Variants in AGMO observed in about 807,000 individuals in gnomAD.
AGMO encodes the protein glyceryl-ether monooxygenase.
Under a neutral mutation model 60.2 loss-of-function variants are expected in AGMO, and 75 were observed. That is an observed-to-expected ratio of 1.25 (90% CI 1.03 to 1.51). The LOEUF is 1.51. Among genes scored for constraint, AGMO ranks in the 40% most tolerant of loss-of-function variants. AGMO has a pLI of 0.00. For missense variants in AGMO, 763 were observed against 525.5 expected (o/e 1.45, Z -4.42); for synonymous variants, 261 against 177.1 (o/e 1.47, Z -3.76).
Position 15,355,744 on chromosome 7 carries a change from G to A in AGMO, c.1263+9770C>T, listed in dbSNP as rs192224103. Among the ~76,000 whole-genome samples the A allele has an allele frequency of 4.9e-3, 751 of 151,982 alleles. 9 individuals carry two copies. The highest frequency in any genetic ancestry group is 0.017 in the African/African-American group (706 of 41,432). On this transcript the variant is annotated intron_variant, in intron 12 of 12. Transcript: ENST00000342526. Reference sequence around the variant, plus strand: ...AATAGTACCATCTTCATACATAAAGGGGAGTATTGTATTATATGGAATTAT... The same window carrying A: ...AATAGTACCATCTTCATACATAAAGAGGAGTATTGTATTATATGGAATTAT...
chr7:15,228,374 A>G (rs1245642368), intron 12 of AGMO, among the ~76,000 whole-genome samples: 1 of 152,140 alleles, frequency 6.6e-6, no homozygotes, highest in African/African-American at 2.4e-5. Flanking sequence ...GTAATTTAAA[A>G]CAATCTTGCT....
intron 12 of AGMO, among the ~76,000 whole-genome samples, chr7:15,357,720 T>TC (rs1782593396): frequency 6.6e-6 from 1 of 152,194 alleles, no homozygotes; most frequent in Middle Eastern, 3.2e-3. Context: ...AACAGTGCGC[T>TC]CCCTTGACAG....
the AGMO span, among the ~76,000 whole-genome samples, chr7:15,145,855 A>G: frequency 1.3e-5 from 2 of 152,176 alleles, no homozygotes; most frequent in Non-Finnish European, 2.9e-5. Flanking sequence ...AGCAAATTAG[A>G]AAACTCTAAT....
chr7:15,548,362 T>G (rs548361263), intron 2 of AGMO, among the ~76,000 whole-genome samples: 5,427 of 151,668 alleles, frequency 0.036, 123 homozygotes, highest in Non-Finnish European at 0.049. Flanking sequence ...ACGATCAAAT[T>G]ACTCTGAGCT....
chr7:15,263,206 C>T (rs1055240788), intron 12 of AGMO, among the ~76,000 whole-genome samples: 2 of 151,880 alleles, frequency 1.3e-5, no homozygotes, highest in African/African-American at 4.8e-5. Context: ...TATCCAGAAT[C>T]TACAGAGATG....
rs73300344 is a variant in AGMO, at chr7:15,365,456, T to A, written c.1263+58A>T. The A allele has an allele frequency of 8.0e-3, 7,976 of 994,210 alleles. 485 individuals are homozygous for A. In the African/African-American group the frequency reaches 0.13, roughly 16 times the overall value. The allele number at this position is 994,210 out of a possible 1,614,324, so 61.6% of individuals were successfully genotyped here. On this transcript the variant is annotated intron_variant, in intron 12 of 12. Coordinates refer to ENST00000342526, the MANE Select transcript of AGMO (RefSeq NM_001004320.2). ...AGTAGAGAAAACATCCTTGAATGAA[T>A]AAATTAAATGTGCGATAGGTATACG...
At chr7:15,149,869 G>C in the AGMO span, among the ~76,000 whole-genome samples, 105 of 152,170 alleles carry the variant, frequency 6.9e-4, no homozygotes, top group African/African-American at 2.4e-3. Flanking sequence ...TTGGTAATTT[G>C]ATAGGAATAA....
chr7:15,488,161 G>A (rs1363945516), intron 3 of AGMO, among the ~76,000 whole-genome samples: 5 of 152,314 alleles, frequency 3.3e-5, no homozygotes, highest in Non-Finnish European at 4.4e-5. Flanking sequence ...AAGTTCTTAA[G>A]TTATTCAACC....
intron 4 of AGMO, among the ~76,000 whole-genome samples, chr7:15,428,308 A>G (rs529858549): frequency 6.6e-6 from 1 of 152,242 alleles, no homozygotes; most frequent in Non-Finnish European, 1.5e-5. Flanking sequence ...ATCCAGGCTG[A>G]CTTACAATCC....
At chr7:15,333,504 C>A (rs1304621939) in intron 12 of AGMO, among the ~76,000 whole-genome samples, 1 of 150,798 alleles carries the variant, frequency 6.6e-6, no homozygotes, top group Non-Finnish European at 1.5e-5. Context: ...GTAAGTTTCA[C>A]TGTGTTTAGC....
At chr7:15,219,632 G>T (rs576042383) in intron 12 of AGMO, among the ~76,000 whole-genome samples, 4 of 152,052 alleles carry the variant, frequency 2.6e-5, no homozygotes, top group African/African-American at 9.7e-5. Context: ...TATGTGATTC[G>T]ATTTACTCTT....
intron 3 of AGMO, among the ~76,000 whole-genome samples, chr7:15,495,934 A>T (rs189944090): frequency 6.6e-6 from 1 of 151,492 alleles, no homozygotes; most frequent in African/African-American, 2.4e-5. Context: ...CACAAAATTC[A>T]TTGTGAGAGT....
the AGMO span, among the ~76,000 whole-genome samples, chr7:15,172,933 C>T: frequency 6.6e-6 from 1 of 152,224 alleles, no homozygotes; most frequent in Admixed American, 6.5e-5. Context: ...GTGATAGGCA[C>T]AAATAACTTA....
At chr7:15,249,691 G>A (rs1054066062) in intron 12 of AGMO, among the ~76,000 whole-genome samples, 2 of 151,836 alleles carry the variant, frequency 1.3e-5, no homozygotes, top group Admixed American at 6.6e-5. Context: ...AGGATGTGAT[G>A]GGGGGGAAAT....
chr7:15,178,695 G>A, the AGMO span, among the ~76,000 whole-genome samples: 2 of 152,134 alleles, frequency 1.3e-5, no homozygotes, highest in Non-Finnish European at 2.9e-5. Flanking sequence ...GGACTGTTAT[G>A]TAACATTTTG....
chr7:15,427,286 A>G (rs964257318), intron 4 of AGMO, among the ~76,000 whole-genome samples: 1 of 152,136 alleles, frequency 6.6e-6, no homozygotes, highest in African/African-American at 2.4e-5. Flanking sequence ...TTAATAAACT[A>G]TTTATTTTAT....
chr7:15,453,368 A>G (rs1338448899), intron 3 of AGMO, among the ~76,000 whole-genome samples: 1 of 152,204 alleles, frequency 6.6e-6, no homozygotes, highest in Non-Finnish European at 1.5e-5. Flanking sequence ...AGTCTATTCT[A>G]AGTAATGTGG....
chr7:15,324,826 T>A (rs1317037926), intron 12 of AGMO, among the ~76,000 whole-genome samples: 1 of 152,086 alleles, frequency 6.6e-6, no homozygotes, highest in Non-Finnish European at 1.5e-5. Flanking sequence ...ATGTCACCAC[T>A]GATCTGACAG....
chr7:15,263,296 A>G (rs1783330762), intron 12 of AGMO, among the ~76,000 whole-genome samples: 1 of 152,114 alleles, frequency 6.6e-6, no homozygotes, highest in Non-Finnish European at 1.5e-5. Context: ...TCAAGAAGAT[A>G]TACAAATGGC....
Sources: gnomAD v4.1 joint callset for allele counts (sites outside exome capture counted in the v4.1 genomes callset) on GRCh38, gnomAD v4.1.1 for gene constraint, MANE v1.5 for transcripts, NCBI Gene and HGNC (gene_info 2026-07-23, HGNC 2026-07-21) for gene names.